The following FMNL2 variants were observed in gnomAD, a reference collection of about 807,000 sequenced individuals.
The protein encoded by FMNL2 is formin-like protein 2.
Under a neutral mutation model 130.2 loss-of-function variants are expected in FMNL2, and 51 were observed. The observed-to-expected ratio is 0.39, with a 90% CI of 0.31 to 0.49. The LOEUF (loss-of-function observed/expected upper bound fraction) is 0.49. FMNL2 is among the 20% of genes least tolerant of loss of function. The probability of loss-of-function intolerance (pLI) is 0.85; values close to 1 mark genes in which losing one functional copy is unlikely to be tolerated. For missense variants in FMNL2, 977 were observed against 1,316.2 expected, an observed-to-expected ratio of 0.74 and a Z score of 3.99; for synonymous variants, 465 against 467.1, an observed-to-expected ratio of 1.00 and a Z score of 0.06.
intron 1 of FMNL2, among the ~76,000 whole-genome samples, chr2:152,372,565 G>A (rs148921953): frequency 1.0e-3 from 159 of 152,312 alleles, no homozygotes; most frequent in East Asian, 7.9e-3. Context: ...GATGCTTTCT[G>A]TGTGTTAATG....
chr2:152,542,855 T>G lies in FMNL2; in HGVS notation c.282+36T>G, dbSNP rs748520800. On this transcript the variant is annotated intron_variant, in intron 3 of 25. Coordinates refer to ENST00000288670, the MANE Select transcript of FMNL2 (RefSeq NM_052905.4). ...TTTGTTTCCACTCTTTGTTATTGCTTCCTTATTAGCGAGCAGAATCCTCCT... is the reference window on the plus strand; with the variant it reads ...TTTGTTTCCACTCTTTGTTATTGCTGCCTTATTAGCGAGCAGAATCCTCCT... 2.5e-6 allele frequency: 4 copies of G among 1,601,918 alleles called. No homozygotes were observed. The African/African-American group carries it at 5.4e-5, about 21-fold the overall frequency.
chr2:152,580,325 A>G (rs1336957782), intron 8 of FMNL2, among the ~76,000 whole-genome samples: 2 of 152,212 alleles, frequency 1.3e-5, no homozygotes, highest in African/African-American at 4.8e-5. Context: ...CTCCTTCCAA[A>G]AATATTTCAG....
At chr2:152,619,451 T>C (rs1473153226) in intron 14 of FMNL2, 58 bp from the exon 15 acceptor site, 1 of 1,547,384 alleles carries the variant, frequency 6.5e-7, no homozygotes, top group Non-Finnish European at 8.7e-7. Context: ...ACATGGCTTA[T>C]TGCAGGAAAG....
At position 152,628,646 on chromosome 2, in the gene FMNL2, C is replaced by T. The variant is rs1233873928; in HGVS notation, c.2400+113C>T. On this transcript the variant is annotated intron_variant, in intron 18 of 25. Transcript: ENST00000288670. ...GTGATGGGTTCTAAAGACTCCTTCC[C>T]AGAACTTTCTAAATTGCATTTTTAT... The T allele has an allele frequency of 1.3e-5, 11 of 872,988 alleles. No homozygotes were observed. The African/African-American group carries it at 1.5e-4, about 12-fold the overall frequency. 54.1% of individuals were successfully genotyped at this position (872,988 alleles called of 1,614,324 possible).
chr2:152,344,263 C>G (rs1681979559), intron 1 of FMNL2, among the ~76,000 whole-genome samples: 2 of 152,090 alleles, frequency 1.3e-5, no homozygotes, highest in Non-Finnish European at 2.9e-5. Flanking sequence ...TTAAAAGCTC[C>G]CTAGAAGGTT....
At chr2:152,593,014 A>G (rs1697520337) in intron 9 of FMNL2, among the ~76,000 whole-genome samples, 1 of 152,214 alleles carries the variant, frequency 6.6e-6, no homozygotes, top group Non-Finnish European at 1.5e-5. Flanking sequence ...GGTCCTGAGC[A>G]GGGTGATCAG....
chr2:152,560,760 T>C, intron 5 of FMNL2, 123 bp from the exon 6 acceptor site: 1 of 842,526 alleles, frequency 1.2e-6, no homozygotes, highest in South Asian at 2.9e-5. Context: ...CAGTTTTCTT[T>C]GTTTACAAAG....
Position 152,575,202 on chromosome 2 carries a change from G to T in FMNL2, c.663G>T (p.Val221=). The change falls in exon 7 of 26, where the codon GTG becomes GTT. Residue 221 remains valine (V), a synonymous_variant. Coordinates refer to ENST00000288670, the MANE Select transcript of FMNL2 (RefSeq NM_052905.4). ...NSRLVSKKDD[V]HVCIMCLRAI... is the part of the protein sequence containing the mutation. ...GATTAGTGAGTAAGAAAGATGATGT[G>T]CATGTCTGTATCATGTGTTTACGTG... The T allele has an allele frequency of 6.2e-7, 1 of 1,606,930 alleles. No homozygotes were observed. The highest frequency in any genetic ancestry group is 1.1e-5 in the South Asian group (1 of 89,652).
chr2:152,582,512 T>G (rs1696850702), intron 9 of FMNL2, among the ~76,000 whole-genome samples: 1 of 152,134 alleles, frequency 6.6e-6, no homozygotes, highest in Non-Finnish European at 1.5e-5. Flanking sequence ...TTCTTTCTAT[T>G]GAGCCCCAAA....
At chr2:152,607,005 T>TTG (rs1491372131) in intron 9 of FMNL2, among the ~76,000 whole-genome samples, 1 of 130,704 alleles carries the variant, frequency 7.7e-6, no homozygotes, top group Non-Finnish European at 1.6e-5. Flanking sequence ...TTTTTTTTTT[T>TTG]GTTTTTTTTT....
In FMNL2 at chr2:152,367,215, A is replaced by G. The variant is rs562090753; in HGVS notation, c.117+31495A>G. The stretch of plus-strand genomic sequence containing the variant: ...CTTAGCCTCTCGAGTAGCTGGGATT[A>G]CAGGTGCCTGCTGCCACTCCCAGCT... On this transcript the variant is annotated intron_variant, in intron 1 of 25. Coordinates refer to ENST00000288670, the MANE Select transcript of FMNL2 (RefSeq NM_052905.4). Among the ~76,000 whole-genome samples, 386 of 151,868 alleles carry G rather than the reference A, an allele frequency of 2.5e-3. 1 individual carries two copies. The highest frequency in any genetic ancestry group is 9.1e-3 in the African/African-American group (376 of 41,426).
intron 25 of FMNL2, among the ~76,000 whole-genome samples, chr2:152,644,162 A>G: frequency 6.6e-6 from 1 of 152,196 alleles, no homozygotes; most frequent in East Asian, 1.9e-4. Flanking sequence ...TGGAGGTTGC[A>G]GTGAGTGGAG....
chr2:152,557,706 G>A (rs375174772), intron 4 of FMNL2, among the ~76,000 whole-genome samples: 4 of 152,330 alleles, frequency 2.6e-5, no homozygotes, highest in African/African-American at 9.6e-5. Flanking sequence ...TTGTCCTACT[G>A]TTATTTTAAT....
rs1310093663 is a variant in FMNL2, at chr2:152,619,113, C to G, written c.1582C>G (p.Pro528Ala). 16 of 1,600,252 alleles carry G rather than the reference C, an allele frequency of 1.0e-5. No homozygotes were observed. Among genetic ancestry groups the G allele is most frequent in the Non-Finnish European group, 1.2e-5 (14 of 1,171,888 alleles). Residue 528 changes from proline to alanine, a missense_variant, in exon 14 of 26, where the codon CCT becomes GCT. Coordinates refer to ENST00000288670, the MANE Select transcript of FMNL2 (RefSeq NM_052905.4). The part of the protein sequence containing the change: ...MGAASSGPLP[P>A]PPPPLPPSSD... ...GGCCGCTTCCTCAGGACCCTTGCCC[C>G]CTCCTCCACCACCACTGCCTCCCTC...
At chr2:152,512,483 C>G (rs1324883365) in intron 1 of FMNL2, among the ~76,000 whole-genome samples, 1 of 152,030 alleles carries the variant, frequency 6.6e-6, no homozygotes, top group Non-Finnish European at 1.5e-5. Context: ...ATAGCTGCAC[C>G]CTTTTGTCCT....
In FMNL2 at chr2:152,542,884, T is replaced by G; in HGVS notation, c.282+65T>G. ...TATTAGCGAGCAGAATCCTCCTGCA[T>G]TGGAAGAGACCTTCCTTCCTCTGCA... On this transcript the variant is annotated intron_variant, in intron 3 of 25. Coordinates refer to ENST00000288670, the MANE Select transcript of FMNL2 (RefSeq NM_052905.4). 1.9e-6 allele frequency: 3 copies of G among 1,545,476 alleles called. No homozygotes were observed. In the East Asian group the frequency reaches 6.8e-5, roughly 35 times the overall value.
chr2:152,635,323 C>T (rs969904997), intron 21 of FMNL2, among the ~76,000 whole-genome samples: 1 of 152,164 alleles, frequency 6.6e-6, no homozygotes, highest in African/African-American at 2.4e-5. Context: ...CTCTCGTGTC[C>T]TTTGCAAAAC....
chr2:152,539,266 C>T (rs573967148), intron 2 of FMNL2: 2 of 152,670 alleles, frequency 1.3e-5, no homozygotes, highest in South Asian at 4.1e-4. Flanking sequence ...TTGAGATTCC[C>T]AGCTTTTCTG....
At chr2:152,524,475 T>C (rs1193630794) in intron 2 of FMNL2, among the ~76,000 whole-genome samples, 4 of 152,162 alleles carry the variant, frequency 2.6e-5, no homozygotes, top group Non-Finnish European at 4.4e-5. Flanking sequence ...CAGTGAGGTG[T>C]ATCCCAGCGT....
Sources: gnomAD v4.1 joint callset for allele counts (sites outside exome capture counted in the v4.1 genomes callset) on GRCh38, gnomAD v4.1.1 for gene constraint, MANE v1.5 for transcripts, NCBI Gene and HGNC (gene_info 2026-07-23, HGNC 2026-07-21) for gene names.